BRWD3: variants seen among roughly 807,000 people sequenced by gnomAD.
BRWD3 encodes the protein bromodomain and WD repeat domain containing 3.
Under a neutral mutation model 149.7 loss-of-function variants are expected in BRWD3, and 10 were observed. The observed-to-expected ratio is 0.07, with a 90% CI of 0.04 to 0.11. The LOEUF (loss-of-function observed/expected upper bound fraction) is 0.11. Among genes scored for constraint, BRWD3 ranks in the 10% least tolerant of loss-of-function variants. BRWD3 has a pLI of 1.00. For missense variants in BRWD3, 940 were observed against 1,373.2 expected (o/e 0.68, Z 4.99); for synonymous variants, 504 against 456.7 (o/e 1.10, Z -1.32).
intron 6 of BRWD3, among the ~76,000 whole-genome samples, chrX:80,749,239 T>C (rs2073633318): frequency 8.9e-6 from 1 of 111,871 alleles, no homozygotes; most frequent in Admixed American, 9.5e-5. Flanking sequence ...ATTTTCTGTC[T>C]ACATAATCTG....
intron 4 of BRWD3, among the ~76,000 whole-genome samples, chrX:80,800,156 G>A (rs1490720443): frequency 9.3e-6 from 1 of 107,894 alleles, no homozygotes; most frequent in Non-Finnish European, 1.9e-5. Context: ...GACAGAAAGG[G>A]AAAGAAGGGC....
chrX:80,712,054 T>G (rs1181893717), intron 20 of BRWD3, among the ~76,000 whole-genome samples: 1 of 111,968 alleles, frequency 8.9e-6, no homozygotes, highest in Non-Finnish European at 1.9e-5. Context: ...TCTTAAGAGG[T>G]AAAAAGTATC....
At chrX:80,795,427 ATG>A (rs2074227549) in intron 4 of BRWD3, among the ~76,000 whole-genome samples, 1 of 109,770 alleles carries the variant, frequency 9.1e-6, no homozygotes, top group Non-Finnish European at 1.9e-5. Flanking sequence ...ATATACACAT[ATG>A]TATATATACA....
At chrX:80,742,492 T>G (rs2073528519) in intron 8 of BRWD3, among the ~76,000 whole-genome samples, 1 of 108,631 alleles carries the variant, frequency 9.2e-6, no homozygotes, top group Non-Finnish European at 1.9e-5. Context: ...TTGGACAGTA[T>G]GGCCATTTTC....
chrX:80,737,972 C>T (rs1248369041), intron 8 of BRWD3, among the ~76,000 whole-genome samples: 1 of 112,592 alleles, frequency 8.9e-6, no homozygotes, highest in African/African-American at 3.2e-5. Flanking sequence ...TCTATGGCTG[C>T]TTTTGCACTA....
chrX:80,687,100 G>GTA lies in BRWD3; in HGVS notation c.3865-99_3865-98dup, dbSNP rs3029738. 1,131 of 379,012 alleles carry GTA rather than the reference G, an allele frequency of 3.0e-3. 3 individuals are homozygous for GTA. Among genetic ancestry groups the GTA allele is most frequent in the African/African-American group, 0.011 (395 of 34,434 alleles). The allele number at this position is 379,012 out of a possible 1,213,427, so 31.2% of individuals were successfully genotyped here. ...TGTTAATATACCTATCTGTATGTGT[G>GTA]TATATATATATATATATATATATGG... On this transcript the variant is annotated intron_variant, in intron 34 of 40. Coordinates refer to ENST00000373275, the MANE Select transcript of BRWD3 (RefSeq NM_153252.5).
At chrX:80,696,614 T>C in intron 26 of BRWD3, 125 bp downstream of exon 26, 1 of 803,748 alleles carries the variant, frequency 1.2e-6, no homozygotes, top group African/African-American at 2.1e-5. Context: ...CTGGTCTTTA[T>C]AATTCTAAAC....
chrX:80,788,085 AAAAT>A (rs554615479), intron 6 of BRWD3, among the ~76,000 whole-genome samples: 10,617 of 88,095 alleles, frequency 0.12, 1,014 homozygotes, highest in African/African-American at 0.28. Flanking sequence ...CTCTGTCTCA[AAAAT>A]AAATAAATAA....
chrX:80,746,982 C>A, intron 6 of BRWD3: 1 of 197,543 alleles, frequency 5.1e-6, no homozygotes. Context: ...TGTAATACTG[C>A]AAGATGCTGA....
chrX:80,779,079 C>T (rs1342308760), intron 6 of BRWD3, among the ~76,000 whole-genome samples: 6 of 110,435 alleles, frequency 5.4e-5, no homozygotes, highest in Non-Finnish European at 1.1e-4. Flanking sequence ...TTTGGGAGGC[C>T]GAGGCAGGTG....
At chrX:80,711,558 G>C in intron 20 of BRWD3, among the ~76,000 whole-genome samples, 1 of 111,757 alleles carries the variant, frequency 8.9e-6, no homozygotes, top group Non-Finnish European at 1.9e-5. Flanking sequence ...ATCCAGGAGA[G>C]AATCAACCAA....
At chrX:80,774,184 G>A (rs963968823) in intron 6 of BRWD3, among the ~76,000 whole-genome samples, 3 of 111,005 alleles carry the variant, frequency 2.7e-5, no homozygotes, top group Non-Finnish European at 5.7e-5. Flanking sequence ...TCTTAGTTTC[G>A]CATATATATT....
At chrX:80,682,734 G>T (rs777025601) in intron 37 of BRWD3, 106 bp from the exon 38 acceptor site, 2 of 771,924 alleles carry the variant, frequency 2.6e-6, no homozygotes, top group South Asian at 2.9e-5. Flanking sequence ...CAAAATATCT[G>T]TTCACTTGAA....
intron 12 of BRWD3, among the ~76,000 whole-genome samples, chrX:80,732,714 T>G: frequency 8.9e-6 from 1 of 111,887 alleles, no homozygotes; most frequent in East Asian, 2.8e-4. Context: ...AGGCTGGATC[T>G]AAGGATTCAT....
At chrX:80,802,097 T>C (rs1240664859) in intron 4 of BRWD3, among the ~76,000 whole-genome samples, 3 of 112,212 alleles carry the variant, frequency 2.7e-5, no homozygotes, top group African/African-American at 9.7e-5. Context: ...GACACTAACA[T>C]TTTAAATATT....
At position 80,807,344 on chromosome X, in the gene BRWD3, TA is replaced by T. The variant is rs2074357942; in HGVS notation, c.180+1194del. 2.7e-5 allele frequency among the ~76,000 whole-genome samples: 3 copies of T among 112,359 alleles called. No homozygotes were observed. The Admixed American group carries it at 2.8e-4, about 11-fold the overall frequency. ...AAAACTATACAGTCGGTAGACTTGA[TA>T]ATAATAATGTGGCCTCACTGTTGTA... is the stretch of plus-strand genomic sequence containing the variant. On this transcript the variant is annotated intron_variant, in intron 4 of 40. Transcript: ENST00000373275.
Position 80,756,125 on chromosome X carries a change from C to T in BRWD3, c.431-10396G>A, listed in dbSNP as rs772251258. On this transcript the variant is annotated intron_variant, in intron 6 of 40. Coordinates refer to ENST00000373275, the MANE Select transcript of BRWD3 (RefSeq NM_153252.5). ...TTAAATGTTCCTTCTCCCAGTTCAG[C>T]GGTTTATTTATTTATTCATCTGGCA... Among the ~76,000 whole-genome samples the T allele has an allele frequency of 1.9e-3, 214 of 111,445 alleles. 2 individuals are homozygous for T. The highest frequency in any genetic ancestry group is 6.5e-3 in the African/African-American group (200 of 30,705).
At chrX:80,684,464 A>T (rs917029628) in intron 36 of BRWD3, among the ~76,000 whole-genome samples, 3 of 112,185 alleles carry the variant, frequency 2.7e-5, no homozygotes, top group African/African-American at 9.7e-5. Context: ...AAAGGCTGAT[A>T]CAACCTCCAA....
intron 4 of BRWD3, among the ~76,000 whole-genome samples, chrX:80,805,789 G>T (rs1376434352): frequency 1.8e-5 from 2 of 111,139 alleles, no homozygotes; most frequent in East Asian, 5.6e-4. Flanking sequence ...ACAAAAATTA[G>T]CTGGGCGTGG....
Sources: allele counts gnomAD v4.1 joint callset (sites outside exome capture counted in the v4.1 genomes callset), GRCh38; gene constraint gnomAD v4.1.1; transcripts MANE v1.5; gene names NCBI Gene and HGNC (gene_info 2026-07-23, HGNC 2026-07-21).